IFRD1: variants seen among roughly 807,000 people sequenced by gnomAD.
IFRD1 encodes the protein interferon-related developmental regulator 1.
IFRD1 carries 35 observed loss-of-function variants against 52.9 expected under a neutral mutation model. The observed-to-expected ratio is 0.66, with a 90% CI of 0.51 to 0.88. The LOEUF is 0.88. Ranked by LOEUF, IFRD1 falls within the 40% of genes least tolerant of loss-of-function variation. IFRD1 has a pLI of 0.00. For synonymous variants in IFRD1, 184 were observed against 188.4 expected, an observed-to-expected ratio of 0.98 and a Z score of 0.19; for missense variants, 517 against 550.8, an observed-to-expected ratio of 0.94 and a Z score of 0.61.
At chr7:112,445,297 A>C (rs1332534952) in intron 1 of IFRD1, among the ~76,000 whole-genome samples, 1 of 151,956 alleles carries the variant, frequency 6.6e-6, no homozygotes, top group Non-Finnish European at 1.5e-5. Context: ...CGATCTCCTG[A>C]CCTTGTGATC....
intron 1 of IFRD1, among the ~76,000 whole-genome samples, chr7:112,444,758 C>G (rs1265660009): frequency 6.6e-6 from 1 of 152,094 alleles, no homozygotes; most frequent in African/African-American, 2.4e-5. Context: ...ACCCATGACT[C>G]TGGACATAAA....
At chr7:112,473,994 A>G (rs535814223) in intron 11 of IFRD1, among the ~76,000 whole-genome samples, 45 of 152,204 alleles carry the variant, frequency 3.0e-4, no homozygotes, top group Non-Finnish European at 5.3e-4. Context: ...GTTATATAGC[A>G]TGCAACCTTT....
At chr7:112,464,896 A>G (rs1170665652) in intron 8 of IFRD1, among the ~76,000 whole-genome samples, 1 of 152,314 alleles carries the variant, frequency 6.6e-6, no homozygotes, top group East Asian at 1.9e-4. Context: ...CAAATCTGAA[A>G]TCACCTAGAT....
chr7:112,462,127 A>G lies in IFRD1; in HGVS notation c.745A>G (p.Thr249Ala), dbSNP rs1468131448. 2.5e-6 allele frequency: 4 copies of G among 1,613,814 alleles called. No individual in the cohort carries two copies. The highest frequency in any genetic ancestry group is 1.7e-5 in the Admixed American group (1 of 59,966). The change falls in exon 7 of 12, where the codon ACA becomes GCA. Residue 249 changes from threonine (T) to alanine (A), a missense_variant. Physicochemically the swap from Thr to Ala is moderately conservative, Grantham distance 58. Transcript: ENST00000403825. ...TCATATCAGCTCTCTTCTTGCATGG[A>G]CACTACTGCTGACCATATGCCCAAT... ...VLHISSLLAW[T>A]LLLTICPINE...
intron 8 of IFRD1, among the ~76,000 whole-genome samples, chr7:112,466,741 C>T (rs1324315437): frequency 1.3e-5 from 2 of 152,104 alleles, no homozygotes; most frequent in Admixed American, 1.3e-4. Flanking sequence ...TATATACACA[C>T]ATATATATGT....
intron 11 of IFRD1, among the ~76,000 whole-genome samples, chr7:112,474,631 TACTCTTATATTGGAG>T (rs1368868533): frequency 1.3e-5 from 2 of 152,224 alleles, no homozygotes; most frequent in African/African-American, 4.8e-5. Flanking sequence ...TTTCCAAAGT[TACTCTTATATTGGAG>T]ACGATATTTA....
At chr7:112,447,263 A>G (rs1795050825), upstream of IFRD1, among the ~76,000 whole-genome samples, 1 of 152,228 alleles carries the variant, frequency 6.6e-6, no homozygotes. Context: ...TGTTCCATGG[A>G]ATGTTAAACT....
chr7:112,475,342 TC>T, intron 11 of IFRD1, 87 bp from the exon 12 acceptor site: 1 of 754,162 alleles, frequency 1.3e-6, no homozygotes, highest in African/African-American at 1.7e-5. Flanking sequence ...TTAGTTCATT[TC>T]TTTTCTTTGT....
intron 1 of IFRD1, among the ~76,000 whole-genome samples, chr7:112,431,508 C>T (rs756690527): frequency 7.9e-5 from 12 of 152,088 alleles, no homozygotes; most frequent in Non-Finnish European, 1.2e-4. Flanking sequence ...GTGGTATGAT[C>T]ATTTAACTTT....
chr7:112,429,979 C>G (rs890041214), intron 1 of IFRD1, among the ~76,000 whole-genome samples: 1 of 152,198 alleles, frequency 6.6e-6, no homozygotes, highest in East Asian at 1.9e-4. Context: ...TCTCATCTCC[C>G]TTCTTCTCAG....
chr7:112,475,300 T>G, intron 11 of IFRD1, 130 bp from the exon 12 acceptor site: 1 of 656,812 alleles, frequency 1.5e-6, no homozygotes, highest in East Asian at 2.7e-5. Context: ...TTGTGTGTGT[T>G]TTATAAACAT....
chr7:112,437,331 C>T (rs1316395154), intron 1 of IFRD1: 1 of 154,624 alleles, frequency 6.5e-6, no homozygotes, highest in Non-Finnish European at 1.5e-5. Context: ...ATACAAGGAA[C>T]TCAAAGCCTA....
At chr7:112,430,427 T>C (rs1794523289) in intron 1 of IFRD1, among the ~76,000 whole-genome samples, 1 of 152,112 alleles carries the variant, frequency 6.6e-6, no homozygotes, top group African/African-American at 2.4e-5. Flanking sequence ...GGAGCAGCAG[T>C]CTAGCTCTTA....
Position 112,461,924 on chromosome 7 carries a change from A to G in IFRD1, c.618+8A>G. On this transcript the variant is annotated splice_region_variant and intron_variant, in intron 6 of 11. Transcript: ENST00000403825. ...GCCACAGATGACATTACTGTAAGTA[A>G]AAAACCTTTGATTCTAGTTATCTGC... is the stretch of plus-strand genomic sequence containing the variant. The G allele has an allele frequency of 1.2e-6, 2 of 1,610,408 alleles. No homozygotes were observed. The highest frequency in any genetic ancestry group is 2.7e-5 in the African/African-American group (2 of 74,918).
intron 5 of IFRD1, among the ~76,000 whole-genome samples, chr7:112,460,072 ACT>A (rs892595092): frequency 6.6e-6 from 1 of 152,054 alleles, no homozygotes; most frequent in Non-Finnish European, 1.5e-5. Flanking sequence ...GACAGAAAAC[ACT>A]CTGCTGGGTA....
At chr7:112,457,146 T>G in intron 4 of IFRD1, 108 bp downstream of exon 4, 8 of 1,182,618 alleles carry the variant, frequency 6.8e-6, no homozygotes, top group Non-Finnish European at 1.0e-5. Context: ...ACTCTTAAAA[T>G]TTTCTAATAG....
chr7:112,463,863 C>A (rs62474583), intron 8 of IFRD1, among the ~76,000 whole-genome samples: 606 of 33,108 alleles, frequency 0.018, 2 homozygotes, highest in Middle Eastern at 0.045. Flanking sequence ...TACACACACA[C>A]ACACACACAC....
intron 1 of IFRD1, among the ~76,000 whole-genome samples, chr7:112,426,961 C>T (rs1368775518): frequency 1.3e-5 from 2 of 152,316 alleles, no homozygotes; most frequent in African/African-American, 4.8e-5. Context: ...ATCTTATATA[C>T]GTTGATTCAT....
chr7:112,463,257 T>G (rs1795490186), intron 8 of IFRD1, among the ~76,000 whole-genome samples: 1 of 152,188 alleles, frequency 6.6e-6, no homozygotes, highest in African/African-American at 2.4e-5. Context: ...TAGTAGATAT[T>G]ATTGCCAACC....
Sources: allele counts gnomAD v4.1 joint callset (sites outside exome capture counted in the v4.1 genomes callset), GRCh38; gene constraint gnomAD v4.1.1; transcripts MANE v1.5; gene names NCBI Gene and HGNC (gene_info 2026-07-23, HGNC 2026-07-21).